AGAP1: variants seen among roughly 807,000 people sequenced by gnomAD.
AGAP1 encodes the protein arf-GAP with GTPase, ANK repeat and PH domain-containing protein 1.
AGAP1 carries 29 observed loss-of-function variants against 105.3 expected under a neutral mutation model. The observed-to-expected ratio is 0.28, with a 90% CI of 0.21 to 0.38. AGAP1 has a LOEUF of 0.38. Ranked by LOEUF, AGAP1 falls within the 10% of genes least tolerant of loss-of-function variation. The pLI is 1.00. For missense variants in AGAP1, 998 were observed against 1,165.1 expected (o/e 0.86, Z 2.09); for synonymous variants, 509 against 485.9 (o/e 1.05, Z -0.63).
At chr2:235,814,338 G>T (rs550343695) in intron 9 of AGAP1, among the ~76,000 whole-genome samples, 1 of 152,288 alleles carries the variant, frequency 6.6e-6, no homozygotes, top group East Asian at 1.9e-4. Flanking sequence ...GTTGAACAGT[G>T]GTGGTGAAAT....
rs755882082 is a variant in AGAP1, at chr2:235,924,035, G to A, written c.1325-6730G>A. ...TAAGCAAGCCTGTCCAAAGTTTGCCGTGGAGAGTGACATTTACTGTCCCAG... is the reference window on the plus strand; with the variant it reads ...TAAGCAAGCCTGTCCAAAGTTTGCCATGGAGAGTGACATTTACTGTCCCAG... On this transcript the variant is annotated intron_variant, in intron 11 of 17. Coordinates refer to ENST00000304032, the MANE Select transcript of AGAP1 (RefSeq NM_001037131.3). 5.8e-4 allele frequency among the ~76,000 whole-genome samples: 89 copies of A among 152,250 alleles called. 1 individual carries two copies. Among genetic ancestry groups the A allele is most frequent in the South Asian group, 8.3e-4 (4 of 4,806 alleles).
At chr2:235,651,424 G>A (rs1240859043) in intron 1 of AGAP1, among the ~76,000 whole-genome samples, 2 of 152,116 alleles carry the variant, frequency 1.3e-5, no homozygotes, top group African/African-American at 4.8e-5. Context: ...CATATTTGCA[G>A]TGAATGTTGC....
intron 10 of AGAP1, among the ~76,000 whole-genome samples, chr2:235,890,867 T>A (rs1361087316): frequency 1.3e-5 from 2 of 149,670 alleles, no homozygotes; most frequent in Non-Finnish European, 3.0e-5. Context: ...CTCAAGCTAA[T>A]GGAGTTAGTT....
At position 235,596,717 on chromosome 2, in the gene AGAP1, T is replaced by C. The variant is rs1031783143; in HGVS notation, c.163+101868T>C. Among the ~76,000 whole-genome samples the C allele has an allele frequency of 1.5e-4, 23 of 152,232 alleles. No homozygotes were observed. Among genetic ancestry groups the C allele is most frequent in the Admixed American group, 1.2e-3 (19 of 15,288 alleles). On this transcript the variant is annotated intron_variant, in intron 1 of 17. Coordinates refer to ENST00000304032, the MANE Select transcript of AGAP1 (RefSeq NM_001037131.3). This position sits in a 1 kb window ranked among gnomAD's most constrained non-coding sequence, Gnocchi z 5.9. ...ACCTCGGAGGTCAATCAGCTTTCAC[T>C]CTTCCTCTCTTGTGCCCCAGTCCTA...
At position 235,953,500 on chromosome 2, in the gene AGAP1, AT is replaced by A. The variant is rs1275917251; in HGVS notation, c.1484-14955del. 2.0e-5 allele frequency among the ~76,000 whole-genome samples: 3 copies of A among 152,098 alleles called. No homozygotes were observed. Among genetic ancestry groups the A allele is most frequent in the Non-Finnish European group, 2.9e-5 (2 of 68,022 alleles). ...AAATAGGCAATTAGAAGTATACTGC[AT>A]TTTTTTCCCTCCAGCATTTCAAAGA... On this transcript the variant is annotated intron_variant, in intron 12 of 17. Coordinates refer to ENST00000304032, the MANE Select transcript of AGAP1 (RefSeq NM_001037131.3). This position sits in a 1 kb window ranked among gnomAD's most constrained non-coding sequence, Gnocchi z 5.2.
intron 6 of AGAP1, among the ~76,000 whole-genome samples, chr2:235,781,165 C>G (rs1438468465): frequency 6.6e-6 from 1 of 152,152 alleles, no homozygotes; most frequent in African/African-American, 2.4e-5. Context: ...TTTAAATGTA[C>G]CATTCTTGTT....
intron 1 of AGAP1, among the ~76,000 whole-genome samples, chr2:235,708,843 A>T (rs111557963): frequency 7.9e-4 from 121 of 152,364 alleles, no homozygotes; most frequent in African/African-American, 2.7e-3. Flanking sequence ...ACACTTGCCA[A>T]CAGGCACAGT....
Position 235,601,092 on chromosome 2 carries a change from C to T in AGAP1, c.163+106243C>T, listed in dbSNP as rs1945716944. ...CAGGGTCCAGCCAGCTCCCCACCTCCACTGGATGCCACTGTGTTAGCTTGG... is the reference window on the plus strand; with the variant it reads ...CAGGGTCCAGCCAGCTCCCCACCTCTACTGGATGCCACTGTGTTAGCTTGG... On this transcript the variant is annotated intron_variant, in intron 1 of 17. Transcript: ENST00000304032. The surrounding 1 kb of genome is among the most constrained non-coding windows in gnomAD (Gnocchi z 4.4). 6.6e-6 allele frequency among the ~76,000 whole-genome samples: 1 copy of T among 152,240 alleles called. No individual in the cohort carries two copies.
chr2:235,878,007 G>T (rs1378068369), intron 9 of AGAP1, among the ~76,000 whole-genome samples: 2 of 152,360 alleles, frequency 1.3e-5, no homozygotes, highest in Non-Finnish European at 2.9e-5. Flanking sequence ...CAGGCAGGAA[G>T]TGGGGCTGAG....
chr2:235,686,103 G>A (rs1949366728), intron 1 of AGAP1, among the ~76,000 whole-genome samples: 1 of 152,148 alleles, frequency 6.6e-6, no homozygotes, highest in South Asian at 2.1e-4. Flanking sequence ...CTTTAGCTTA[G>A]TGATTTTGGG....
At chr2:235,955,072 G>A (rs1449490142) in intron 12 of AGAP1, among the ~76,000 whole-genome samples, 2 of 152,176 alleles carry the variant, frequency 1.3e-5, no homozygotes, top group Non-Finnish European at 2.9e-5. Flanking sequence ...CCGGTTGAGG[G>A]TAGAGGTTCA....
rs186636808 is a variant in AGAP1, at chr2:236,040,457, G to A, written c.1801-294G>A. 1.7e-3 allele frequency among the ~76,000 whole-genome samples: 255 copies of A among 152,140 alleles called. 1 individual carries two copies. The highest frequency in any genetic ancestry group is 3.0e-3 in the Non-Finnish European group (207 of 68,008). The stretch of plus-strand genomic sequence containing the variant: ...CATTTACCTTCTCCAGGTTACCATG[G>A]TCCATGCGTATTCACAGATGATCCA... On this transcript the variant is annotated intron_variant, in intron 14 of 17. Transcript: ENST00000304032. This position sits in a 1 kb window ranked among gnomAD's most constrained non-coding sequence, Gnocchi z 5.6.
At chr2:235,932,631 T>C (rs1452336018) in intron 12 of AGAP1, among the ~76,000 whole-genome samples, 1 of 152,204 alleles carries the variant, frequency 6.6e-6, no homozygotes, top group Non-Finnish European at 1.5e-5. Context: ...GAGAGTAGTC[T>C]AGGTGCCAAT....
chr2:235,692,655 C>T lies in AGAP1; in HGVS notation c.164-16524C>T, dbSNP rs1025676144. Among the ~76,000 whole-genome samples the T allele has an allele frequency of 6.6e-6, 1 of 152,124 alleles. No individual in the cohort carries two copies. Among genetic ancestry groups the T allele is most frequent in the Non-Finnish European group, 1.5e-5 (1 of 68,014 alleles). On this transcript the variant is annotated intron_variant, in intron 1 of 17. Coordinates refer to ENST00000304032, the MANE Select transcript of AGAP1 (RefSeq NM_001037131.3). The surrounding 1 kb of genome is among the most constrained non-coding windows in gnomAD (Gnocchi z 5.8). ...GGGTTCCCCTCGCTGACCCTCAGCC[C>T]TCAGGCCCAGCACCTCAGAGAAGCC...
chr2:235,693,088 C>T, intron 1 of AGAP1, among the ~76,000 whole-genome samples: 1 of 152,050 alleles, frequency 6.6e-6, no homozygotes, highest in South Asian at 2.1e-4. Flanking sequence ...CTGGGGAAGG[C>T]CATGCAGAGG....
At chr2:235,558,544 G>A (rs188380288) in intron 1 of AGAP1, among the ~76,000 whole-genome samples, 29 of 152,078 alleles carry the variant, frequency 1.9e-4, no homozygotes, top group African/African-American at 6.3e-4. Flanking sequence ...CTTTAACCCC[G>A]CTACCCTCCA....
intron 1 of AGAP1, among the ~76,000 whole-genome samples, chr2:235,647,960 T>C (rs1276073892): frequency 1.3e-5 from 2 of 152,034 alleles, no homozygotes; most frequent in African/African-American, 4.8e-5. Context: ...TTTGAACCAA[T>C]CAGAAAGAGA....
intron 8 of AGAP1, among the ~76,000 whole-genome samples, chr2:235,804,629 A>G (rs777068265): frequency 8.5e-5 from 13 of 152,340 alleles, no homozygotes; most frequent in South Asian, 2.1e-4. Flanking sequence ...AGTGTCCTCC[A>G]TGGCTTCTCT....
At position 235,982,461 on chromosome 2, in the gene AGAP1, C is replaced by T. The variant is rs928298405; in HGVS notation, c.1645+13838C>T. Among the ~76,000 whole-genome samples, 3 of 152,186 alleles carry T rather than the reference C, an allele frequency of 2.0e-5. No homozygotes were observed. Among genetic ancestry groups the T allele is most frequent in the African/African-American group, 7.2e-5 (3 of 41,450 alleles). On this transcript the variant is annotated intron_variant, in intron 13 of 17. Transcript: ENST00000304032. This position sits in a 1 kb window ranked among gnomAD's most constrained non-coding sequence, Gnocchi z 4.9. ...CAGAAGGAAGGGGGGACGATTCATG[C>T]AATGAGGCACTGCTGTTGTGGGGTG... is the stretch of plus-strand genomic sequence containing the variant.
Sources: gnomAD v4.1 joint callset for allele counts (sites outside exome capture counted in the v4.1 genomes callset) on GRCh38, gnomAD v4.1.1 for gene constraint, Gnocchi (gnomAD v3.1) non-coding constraint, MANE v1.5 for transcripts, NCBI Gene and HGNC (gene_info 2026-07-23, HGNC 2026-07-21) for gene names.